Variants in DOCK4 observed in about 807,000 individuals in gnomAD.
DOCK4 encodes dedicator of cytokinesis protein 4.
In DOCK4, 97 loss-of-function variants were observed where a neutral mutation model predicts 268.1. The observed-to-expected ratio is 0.36, with a 90% confidence interval of 0.31 to 0.43. The LOEUF (loss-of-function observed/expected upper bound fraction) is 0.43. Among genes scored for constraint, DOCK4 ranks in the 20% least tolerant of loss-of-function variants. The pLI, the probability that DOCK4 is intolerant of heterozygous loss-of-function variation, is 1.00. For synonymous variants in DOCK4, 954 were observed against 887.2 expected (o/e 1.08, Z -1.34); for missense variants, 2,145 against 2,455.7 (o/e 0.87, Z 2.67).
At chr7:112,005,492 T>C (rs1800781228) in intron 1 of DOCK4, among the ~76,000 whole-genome samples, 1 of 152,226 alleles carries the variant, frequency 6.6e-6, no homozygotes, top group Non-Finnish European at 1.5e-5. Context: ...TAACCATGAA[T>C]ACCATTAGCC....
intron 1 of DOCK4, among the ~76,000 whole-genome samples, chr7:112,040,585 G>C (rs1039887558): frequency 3.3e-5 from 5 of 152,056 alleles, no homozygotes; most frequent in African/African-American, 7.2e-5. Context: ...TCAAAAAATA[G>C]GTAGATGATG....
chr7:111,831,797 T>C (rs1387993915), intron 26 of DOCK4, among the ~76,000 whole-genome samples: 5 of 152,114 alleles, frequency 3.3e-5, no homozygotes, highest in African/African-American at 4.8e-5. Flanking sequence ...CCAAATGCAT[T>C]TTCAATAGTG....
chr7:111,957,275 T>C (rs972396452), intron 8 of DOCK4, among the ~76,000 whole-genome samples: 1 of 152,166 alleles, frequency 6.6e-6, no homozygotes, highest in African/African-American at 2.4e-5. Flanking sequence ...AAGGAAATGA[T>C]TTTGATTTAT....
chr7:111,949,679 A>T (rs1412021332), intron 8 of DOCK4, among the ~76,000 whole-genome samples: 1 of 152,066 alleles, frequency 6.6e-6, no homozygotes, highest in East Asian at 1.9e-4. Context: ...CCAATAAAAA[A>T]AATTCTTTTT....
chr7:112,133,601 G>A (rs1464065209), intron 1 of DOCK4, among the ~76,000 whole-genome samples: 2 of 152,046 alleles, frequency 1.3e-5, no homozygotes, highest in South Asian at 2.1e-4. Flanking sequence ...TGCACCTGTA[G>A]TCCTCGCTAC....
rs1807002549 is a variant in DOCK4, at chr7:112,066,664, C to CAT, written c.38-62535_38-62534dup. Among the ~76,000 whole-genome samples the CAT allele has an allele frequency of 1.7e-4, 5 of 30,106 alleles. 1 individual carries two copies. Among genetic ancestry groups the CAT allele is most frequent in the African/African-American group, 1.3e-3 (4 of 3,188 alleles). The allele number at this position is 30,106 out of a possible 152,430, so 19.8% of individuals were successfully genotyped here. A position where few individuals can be genotyped will look rare whatever the true frequency, so the allele number is the denominator to read the frequency against. ...CATATACATATATACACATATTATA[C>CAT]ATATACATATACATATATACATATA... On this transcript the variant is annotated intron_variant, in intron 1 of 52. Coordinates refer to ENST00000428084, the MANE Select transcript of DOCK4 (RefSeq NM_001363540.2).
chr7:111,937,604 C>G (rs1302384446), intron 11 of DOCK4, among the ~76,000 whole-genome samples: 1 of 152,168 alleles, frequency 6.6e-6, no homozygotes, highest in Non-Finnish European at 1.5e-5. Flanking sequence ...AAATACAATA[C>G]TTGCTACTCA....
intron 39 of DOCK4, among the ~76,000 whole-genome samples, chr7:111,762,235 T>C (rs116329684): frequency 0.016 from 2,497 of 152,288 alleles, 60 homozygotes; most frequent in African/African-American, 0.056. Context: ...TCACATACAA[T>C]AAAATCCACC....
At chr7:112,117,368 T>G (rs1440465894) in intron 1 of DOCK4, among the ~76,000 whole-genome samples, 1 of 151,944 alleles carries the variant, frequency 6.6e-6, no homozygotes, top group African/African-American at 2.4e-5. Context: ...CTTTTCTTTC[T>G]TTCTTTTTCT....
chr7:111,980,951 C>T (rs1012218039), intron 7 of DOCK4, among the ~76,000 whole-genome samples: 1 of 152,202 alleles, frequency 6.6e-6, no homozygotes, highest in Non-Finnish European at 1.5e-5. Flanking sequence ...TGGCACTAAA[C>T]CAAAATATCT....
chr7:111,730,342 A>G (rs1794997143), intron 52 of DOCK4, among the ~76,000 whole-genome samples: 2 of 152,238 alleles, frequency 1.3e-5, no homozygotes, highest in Non-Finnish European at 2.9e-5. Context: ...ACTTGACTAT[A>G]GACCTTTTCT....
chr7:111,890,449 G>A (rs577072577), intron 16 of DOCK4, among the ~76,000 whole-genome samples: 3 of 152,178 alleles, frequency 2.0e-5, no homozygotes, highest in African/African-American at 4.8e-5. Context: ...CTGATGTTCT[G>A]GGGGCTCTGG....
chr7:112,192,230 C>T (rs1390912915), intron 1 of DOCK4, among the ~76,000 whole-genome samples: 1 of 149,798 alleles, frequency 6.7e-6, no homozygotes, highest in Non-Finnish European at 1.5e-5. Flanking sequence ...AACCATTTTC[C>T]AAGATACTTA....
At chr7:111,947,141 A>C (rs1251315497) in intron 8 of DOCK4, among the ~76,000 whole-genome samples, 2 of 152,172 alleles carry the variant, frequency 1.3e-5, no homozygotes, top group East Asian at 3.9e-4. Flanking sequence ...AGGGAAATGG[A>C]GAGCAGGACA....
At chr7:111,919,227 G>A (rs1792889053) in intron 12 of DOCK4, among the ~76,000 whole-genome samples, 2 of 152,116 alleles carry the variant, frequency 1.3e-5, no homozygotes, top group Non-Finnish European at 2.9e-5. Context: ...GGTCAGAGAG[G>A]TGAATCCTGA....
chr7:111,895,576 T>G (rs1469138174), intron 16 of DOCK4, 36 bp downstream of exon 16: 5 of 1,580,500 alleles, frequency 3.2e-6, no homozygotes, highest in South Asian at 1.1e-5. Context: ...CAGCACTGTT[T>G]TTTACTGCCC....
intron 1 of DOCK4, among the ~76,000 whole-genome samples, chr7:112,174,987 C>A (rs1818383497): frequency 7.1e-6 from 1 of 140,564 alleles, no homozygotes; most frequent in African/African-American, 2.8e-5. Flanking sequence ...GTTGCCCAGG[C>A]TGGAGTGCAG....
intron 1 of DOCK4, among the ~76,000 whole-genome samples, chr7:112,020,685 T>TAAA (rs58803593): frequency 4.3e-5 from 5 of 116,920 alleles, no homozygotes; most frequent in Admixed American, 9.1e-5. Flanking sequence ...ACCCTAAAAG[T>TAAA]AAAAAAAAAA....
chr7:111,983,619 A>G (rs879321394), intron 7 of DOCK4, among the ~76,000 whole-genome samples: 3 of 152,140 alleles, frequency 2.0e-5, no homozygotes, highest in Non-Finnish European at 4.4e-5. Context: ...ATGCCAAGCA[A>G]AAAAACTGGA....
Sources: allele counts gnomAD v4.1 joint callset (sites outside exome capture counted in the v4.1 genomes callset), GRCh38; gene constraint gnomAD v4.1.1; transcripts MANE v1.5; gene names NCBI Gene and HGNC (gene_info 2026-07-23, HGNC 2026-07-21).